Variants in AGRN observed in about 807,000 individuals in gnomAD.
AGRN encodes agrin, also known as agrin proteoglycan.
Under a neutral mutation model 211.0 loss-of-function variants are expected in AGRN, and 106 were observed. The ratio of observed to expected loss-of-function variants is 0.50; its 90% CI spans 0.43 to 0.59. AGRN has a LOEUF of 0.59. Among genes scored for constraint, AGRN ranks in the 20% least tolerant of loss-of-function variants. The pLI, the probability that AGRN is intolerant of heterozygous loss-of-function variation, is 0.00. For synonymous variants in AGRN, 1,525 were observed against 1,332.5 expected, an observed-to-expected ratio of 1.14 and a Z score of -3.15; for missense variants, 3,040 against 2,982.6, an observed-to-expected ratio of 1.02 and a Z score of -0.45.
At position 1,055,419 on chromosome 1, in the gene AGRN, G is replaced by C. The variant is rs1645427264; in HGVS notation, c.*438G>C. On this transcript the variant is annotated 3_prime_UTR_variant, in exon 36 of 36. Coordinates refer to ENST00000379370, the MANE Select transcript of AGRN (RefSeq NM_198576.4). ...ATTTGAGCTGCTCCTTCCTGTGTGTGCTCTGGGCCCTGCCTCGGCCTCCTG... is the reference window on the plus strand; with the variant it reads ...ATTTGAGCTGCTCCTTCCTGTGTGTCCTCTGGGCCCTGCCTCGGCCTCCTG... 3 of 320,432 alleles carry C rather than the reference G, an allele frequency of 9.4e-6. No individual in the cohort carries two copies. The highest frequency in any genetic ancestry group is 8.1e-5 in the South Asian group (3 of 36,928). 19.8% of individuals were successfully genotyped at this position (320,432 alleles called of 1,614,324 possible).
chr1:1,024,420 T>C (rs1644474818), intron 2 of AGRN, among the ~76,000 whole-genome samples: 1 of 151,864 alleles, frequency 6.6e-6, no homozygotes, highest in Admixed American at 6.6e-5. Context: ...GGGGGATGGA[T>C]GGAGGGAGCT....
chr1:1,034,859 T>C, intron 2 of AGRN: 1 of 394,236 alleles, frequency 2.5e-6, no homozygotes, highest in South Asian at 5.0e-5. Context: ...CTGGAGGCCG[T>C]CCTTGGGCTC....
In AGRN at chr1:1,054,607, G is replaced by C. The variant is rs1645402048; in HGVS notation, c.5980+56G>C. 6 of 1,542,074 alleles carry C rather than the reference G, an allele frequency of 3.9e-6. No homozygotes were observed. In the South Asian group the frequency reaches 6.0e-5, roughly 15 times the overall value. On this transcript the variant is annotated intron_variant, in intron 35 of 35. Transcript: ENST00000379370. ...GCCCAAGGGTCTCATGATATCCGAG[G>C]GACAGACTCCACCCCCCAGCGCCCA...
chr1:1,042,403 C>T (rs1471770533), intron 7 of AGRN, among the ~76,000 whole-genome samples: 1 of 152,154 alleles, frequency 6.6e-6, no homozygotes, highest in Admixed American at 6.5e-5. Flanking sequence ...TCAGCCACGC[C>T]CTCCCTGGGA....
intron 3 of AGRN, among the ~76,000 whole-genome samples, chr1:1,038,305 G>A (rs2100619644): frequency 6.6e-6 from 1 of 152,298 alleles, no homozygotes; most frequent in South Asian, 2.1e-4. Context: ...GCTCAGCCTG[G>A]CTTCAAGGTC....
intron 2 of AGRN, among the ~76,000 whole-genome samples, chr1:1,025,505 G>T (rs550035399): frequency 3.9e-5 from 6 of 152,202 alleles, no homozygotes; most frequent in African/African-American, 1.4e-4. Flanking sequence ...CCTCCCATAG[G>T]GCTGGGGCCA....
At chr1:1,039,412 G>GGGT (rs964468364) in intron 3 of AGRN, among the ~76,000 whole-genome samples, 7 of 3,318 alleles carry the variant, frequency 2.1e-3, no homozygotes, top group African/African-American at 2.3e-3. Context: ...CCTTGGAGAT[G>GGGT]GGGGGGGTTC....
In AGRN at chr1:1,049,767, C is replaced by A; in HGVS notation, c.4716C>A (p.Phe1572Leu). 1 of 1,586,264 alleles carries A rather than the reference C, an allele frequency of 6.3e-7. No homozygotes were observed. Among genetic ancestry groups the A allele is most frequent in the Admixed American group, 1.8e-5 (1 of 54,898 alleles). Reference sequence around the variant, plus strand: ...GCCAGAACCTGGAGGCTGGAAGGTTCCATTGCCAGTGCCCGCCCGGCCGCG... The same window carrying A: ...GCCAGAACCTGGAGGCTGGAAGGTTACATTGCCAGTGCCCGCCCGGCCGCG... The part of the protein sequence containing the change: ...APCQNLEAGR[F>L]HCQCPPGRVG... Residue 1572 changes from phenylalanine to leucine, a missense_variant, in exon 26 of 36, where the codon TTC becomes TTA. Physicochemically the swap from Phe to Leu is conservative, Grantham distance 22. Transcript: ENST00000379370.
chr1:1,035,355 T>C (rs1219741806), intron 3 of AGRN, 31 bp downstream of exon 3: 2 of 1,612,532 alleles, frequency 1.2e-6, no homozygotes, highest in East Asian at 2.2e-5. Flanking sequence ...GGGACCTGGA[T>C]GGGCTGTGGC....
chr1:1,028,931 T>C (rs1434129421), intron 2 of AGRN, among the ~76,000 whole-genome samples: 39 of 48,062 alleles, frequency 8.1e-4, no homozygotes, highest in African/African-American at 2.0e-3. Context: ...ACGCCACCCT[T>C]TCCGAAGGAA....
rs752179442 is a variant in AGRN at position 1,047,424 on chromosome 1, C to T, written c.3486C>T (p.Phe1162=). ...TGGCTGACCCCAAGTCAGAACTGTT[C>T]GGGGAGACAGCCAGGAGCATTGAGA... is the stretch of plus-strand genomic sequence containing the variant. ...PEMADPKSEL[F]GETARSIEST... The change falls in exon 20 of 36, where the codon TTC becomes TTT. Residue 1162 remains phenylalanine, a synonymous_variant. Coordinates refer to ENST00000379370, the MANE Select transcript of AGRN (RefSeq NM_198576.4). The T allele has an allele frequency of 2.2e-5, 35 of 1,612,666 alleles. No homozygotes were observed. The Middle Eastern group carries it at 6.6e-4, about 30-fold the overall frequency.
chr1:1,053,623 C>T, intron 33 of AGRN, 130 bp from the exon 34 acceptor site: 1 of 1,478,384 alleles, frequency 6.8e-7, no homozygotes, highest in Non-Finnish European at 9.2e-7. Context: ...TCGGTGTCTG[C>T]CCACCAGCCA....
rs779506643 is a variant in AGRN, at chr1:1,053,442, CT to C, written c.5652-310del. 67 of 1,442,028 alleles carry C rather than the reference CT, an allele frequency of 4.6e-5. No individual in the cohort carries two copies. In the African/African-American group the frequency reaches 9.5e-4, roughly 20 times the overall value. The allele number at this position is 1,442,028 out of a possible 1,614,324, so 89.3% of individuals were successfully genotyped here. A position where few individuals can be genotyped will look rare whatever the true frequency, so the allele number is the denominator to read the frequency against. ...GCCTGTCCCCTGCTCACCCGCCTCC[CT>C]CTCTTCCTGCTTCTAAGCCCCGAAA... On this transcript the variant is annotated intron_variant, in intron 33 of 35. Coordinates refer to ENST00000379370, the MANE Select transcript of AGRN (RefSeq NM_198576.4).
chr1:1,047,533 T>C (rs2100664345), intron 20 of AGRN, 40 bp from the exon 21 acceptor site: 1 of 1,612,404 alleles, frequency 6.2e-7, no homozygotes, highest in Non-Finnish European at 8.5e-7. Context: ...GCAGCCCGGC[T>C]TGGGCGGCCC....
chr1:1,051,200 G>T, intron 30 of AGRN, 53 bp from the exon 31 acceptor site: 1 of 1,551,576 alleles, frequency 6.4e-7, no homozygotes. Context: ...CCTGGGCCCT[G>T]GGTCTGCACC....
Position 1,041,231 on chromosome 1 carries a change from G to C in AGRN, c.786G>C (p.Ser262=). 6.7e-7 allele frequency: 1 copy of C among 1,483,106 alleles called. No individual in the cohort carries two copies. Among genetic ancestry groups the C allele is most frequent in the Non-Finnish European group, 8.9e-7 (1 of 1,123,082 alleles). 91.9% of individuals were successfully genotyped at this position (1,483,106 alleles called of 1,614,324 possible). ...TCSFGSTCAR[S]ADGLTASCLC... ...GCTTCGGCAGCACCTGTGCGCGCTCGGCCGACGGGCTGACGGCCTCGTGCC... is the reference window on the plus strand; with the variant it reads ...GCTTCGGCAGCACCTGTGCGCGCTCCGCCGACGGGCTGACGGCCTCGTGCC... The change falls in exon 5 of 36, where the codon TCG becomes TCC. Residue 262 remains serine (S), a synonymous_variant. Transcript: ENST00000379370.
chr1:1,041,549 A>T lies in AGRN; in HGVS notation c.1024A>T (p.Met342Leu). Residue 342 changes from methionine to leucine, a missense_variant, in exon 6 of 36, where the codon ATG (methionine) becomes TTG (leucine). Coordinates refer to ENST00000379370, the MANE Select transcript of AGRN (RefSeq NM_198576.4). ...RVNPRTRRPE[M>L]LLRPESCPAR... ...GAACCCGCGCACGCGGCGCCCTGAG[A>T]TGCTCCTACGGCCCGAGAGCTGCCC... is the stretch of plus-strand genomic sequence containing the variant. The T allele has an allele frequency of 1.2e-6, 2 of 1,607,774 alleles. No individual in the cohort carries two copies. The highest frequency in any genetic ancestry group is 1.7e-6 in the Non-Finnish European group (2 of 1,179,198).
intron 12 of AGRN, among the ~76,000 whole-genome samples, chr1:1,044,646 C>G (rs1414338439): frequency 6.6e-6 from 1 of 152,202 alleles, no homozygotes; most frequent in Non-Finnish European, 1.5e-5. Context: ...TGGGCGTGCA[C>G]CAGGCCAGGC....
chr1:1,047,510 G>A, intron 20 of AGRN, 56 bp downstream of exon 20: 1 of 1,612,854 alleles, frequency 6.2e-7, no homozygotes, highest in Non-Finnish European at 8.5e-7. Flanking sequence ...CAGATACCCA[G>A]AGCAGCACCA....
Sources: gnomAD v4.1 joint callset for allele counts (sites outside exome capture counted in the v4.1 genomes callset) on GRCh38, gnomAD v4.1.1 for gene constraint, MANE v1.5 for transcripts, NCBI Gene and HGNC (gene_info 2026-07-23, HGNC 2026-07-21) for gene names.